Variants in SPMIP7 observed in about 807,000 individuals in gnomAD.
SPMIP7 encodes the protein protein SPMIP7.
chr7:50,096,537 CA>C, the SPMIP7 span: 1 of 1,551,580 alleles, frequency 6.4e-7, no homozygotes, highest in Admixed American at 2.0e-5. Flanking sequence ...GGATTTCAAA[CA>C]ACAATAAAAA....
chr7:50,120,767 A>T, the SPMIP7 span, among the ~76,000 whole-genome samples: 1 of 152,202 alleles, frequency 6.6e-6, no homozygotes, highest in African/African-American at 2.4e-5. Flanking sequence ...GATTACTATG[A>T]TTGATATTAC....
At chr7:50,110,678 A>G in the SPMIP7 span, among the ~76,000 whole-genome samples, 1 of 133,492 alleles carries the variant, frequency 7.5e-6, no homozygotes, top group African/African-American at 2.8e-5. Context: ...CATATATCAT[A>G]TAATACATTA....
At chr7:50,105,297 C>T in the SPMIP7 span, among the ~76,000 whole-genome samples, 18 of 152,246 alleles carry the variant, frequency 1.2e-4, no homozygotes, top group East Asian at 3.3e-3. Context: ...GTTGTGCAAC[C>T]ATCACCACAA....
At chr7:50,136,147 CA>C in the SPMIP7 span, 1 of 1,550,680 alleles carries the variant, frequency 6.4e-7, no homozygotes, top group Non-Finnish European at 8.7e-7. Flanking sequence ...TTCTTGGCAC[CA>C]GTCAAACCAA....
chr7:50,096,464 A>G, the SPMIP7 span: 3 of 1,551,776 alleles, frequency 1.9e-6, no homozygotes, highest in Non-Finnish European at 2.6e-6. Context: ...TGGCAGAACC[A>G]TACCAACCCT....
the SPMIP7 span, among the ~76,000 whole-genome samples, chr7:50,145,587 C>CGT: frequency 0.032 from 896 of 28,414 alleles, 40 homozygotes; most frequent in African/African-American, 0.074. Context: ...TATATATGTG[C>CGT]GTGTGTGTGT....
the SPMIP7 span, chr7:50,134,391 C>G: frequency 1.7e-6 from 1 of 605,234 alleles, no homozygotes; most frequent in Non-Finnish European, 2.7e-6. Context: ...TATATACACA[C>G]ACACACACAC....
the SPMIP7 span, chr7:50,121,402 A>T: frequency 6.6e-6 from 1 of 152,226 alleles, no homozygotes; most frequent in Non-Finnish European, 1.5e-5. Context: ...TGTTGCAGCC[A>T]ATCATAGCAG....
the SPMIP7 span, among the ~76,000 whole-genome samples, chr7:50,125,843 G>C: frequency 6.6e-6 from 1 of 152,000 alleles, no homozygotes; most frequent in African/African-American, 2.4e-5. Context: ...AATGAAAGAT[G>C]TTGGTCAAAG....
At chr7:50,152,565 A>G in the SPMIP7 span, among the ~76,000 whole-genome samples, 1 of 152,224 alleles carries the variant, frequency 6.6e-6, no homozygotes, top group African/African-American at 2.4e-5. Flanking sequence ...ATGCTAGCAC[A>G]GTAGGAAGGC....
At chr7:50,140,118 G>T in the SPMIP7 span, 3 of 1,466,948 alleles carry the variant, frequency 2.0e-6, no homozygotes, top group Non-Finnish European at 2.7e-6. Context: ...TAACCCAGTT[G>T]CCTCTCTTCT....
At chr7:50,155,674 A>G in the SPMIP7 span, among the ~76,000 whole-genome samples, 1 of 152,120 alleles carries the variant, frequency 6.6e-6, no homozygotes, top group Non-Finnish European at 1.5e-5. Context: ...TCCTATTTCT[A>G]AATGAAAAAC....
chr7:50,103,503 C>T, the SPMIP7 span, among the ~76,000 whole-genome samples: 2 of 152,316 alleles, frequency 1.3e-5, no homozygotes, highest in East Asian at 3.9e-4. Context: ...CTACCATTTC[C>T]TATCTACCAT....
the SPMIP7 span, among the ~76,000 whole-genome samples, chr7:50,140,940 C>T: frequency 6.6e-6 from 1 of 152,156 alleles, no homozygotes; most frequent in Admixed American, 6.5e-5. Context: ...TGGCACACAC[C>T]AGCCTCTTCC....
At chr7:50,134,389 C>T in the SPMIP7 span, 1 of 597,170 alleles carries the variant, frequency 1.7e-6, no homozygotes, top group South Asian at 2.9e-5. Context: ...TATATATACA[C>T]ACACACACAC....
At chr7:50,148,789 G>A in the SPMIP7 span, among the ~76,000 whole-genome samples, 991 of 152,270 alleles carry the variant, frequency 6.5e-3, 9 homozygotes, top group African/African-American at 0.022. Context: ...CAGCACAGGA[G>A]AATCATCTGG....
At chr7:50,116,079 C>T in the SPMIP7 span, among the ~76,000 whole-genome samples, 1 of 152,106 alleles carries the variant, frequency 6.6e-6, no homozygotes, top group African/African-American at 2.4e-5. Flanking sequence ...TGTAAACATC[C>T]AAATAAATAT....
At chr7:50,095,982 T>C in the SPMIP7 span, 1 of 795,096 alleles carries the variant, frequency 1.3e-6, no homozygotes, top group South Asian at 3.2e-5. Flanking sequence ...TTTATACTAG[T>C]TTAACACAGA....
the SPMIP7 span, among the ~76,000 whole-genome samples, chr7:50,102,297 C>T: frequency 1.3e-5 from 2 of 152,172 alleles, no homozygotes; most frequent in African/African-American, 4.8e-5. Flanking sequence ...GCACTCCAGC[C>T]TGGGCAACAG....
Sources: allele counts gnomAD v4.1 joint callset (sites outside exome capture counted in the v4.1 genomes callset), GRCh38; gene constraint gnomAD v4.1.1; transcripts MANE v1.5; gene names NCBI Gene and HGNC (gene_info 2026-07-23, HGNC 2026-07-21).